ELOC: variants seen among roughly 807,000 people sequenced by gnomAD.
ELOC encodes elongin C, also known as elongin-C.
For synonymous variants in ELOC, 40 were observed against 51.3 expected (o/e 0.78, Z 0.94); for missense variants, 38 against 139.0 (o/e 0.27, Z 3.65).
chr8:73,964,531 C>T (rs530726064), intron 1 of ELOC: 70 of 152,236 alleles, frequency 4.6e-4, no homozygotes, highest in African/African-American at 1.5e-3. Flanking sequence ...TGCAGTGGCT[C>T]ACACCTGCAA....
chr8:73,957,188 G>T (rs574224300), intron 2 of ELOC, among the ~76,000 whole-genome samples: 1 of 148,240 alleles, frequency 6.7e-6, no homozygotes, highest in Non-Finnish European at 1.5e-5. Context: ...AAAAAAAAAA[G>T]TATGCATTTA....
intron 3 of ELOC, among the ~76,000 whole-genome samples, chr8:73,953,111 C>A: frequency 6.6e-6 from 1 of 152,046 alleles, no homozygotes; most frequent in East Asian, 1.9e-4. Context: ...TCAAGACCAG[C>A]CTGGCCAACA....
At chr8:73,961,469 G>C (rs985965008) in intron 1 of ELOC, among the ~76,000 whole-genome samples, 1 of 152,024 alleles carries the variant, frequency 6.6e-6, no homozygotes, top group Non-Finnish European at 1.5e-5. Context: ...TCTTAGTCTA[G>C]AACACTTGCT....
At chr8:73,962,254 A>G (rs1461206713) in intron 1 of ELOC, among the ~76,000 whole-genome samples, 5 of 152,168 alleles carry the variant, frequency 3.3e-5, no homozygotes, top group Non-Finnish European at 7.3e-5. Context: ...GAGATGAGAA[A>G]CACTGGAAGA....
chr8:73,964,319 C>T (rs549140553), intron 1 of ELOC, among the ~76,000 whole-genome samples: 4 of 149,596 alleles, frequency 2.7e-5, no homozygotes, highest in East Asian at 2.0e-4. Flanking sequence ...AAGGTCAAAG[C>T]GTATGGTGAG....
intron 3 of ELOC, among the ~76,000 whole-genome samples, chr8:73,954,471 C>CG (rs1686567941): frequency 6.6e-6 from 1 of 151,758 alleles, no homozygotes; most frequent in Non-Finnish European, 1.5e-5. Flanking sequence ...CTGGCTAACA[C>CG]GGTGAAACCC....
intron 1 of ELOC, chr8:73,969,487 A>C (rs1306886066): frequency 1.3e-5 from 2 of 151,180 alleles, no homozygotes; most frequent in Admixed American, 6.6e-5. Context: ...GTCTCCCACC[A>C]CTCTTCCTTC....
chr8:73,947,151 G>A (rs1025797404), intron 3 of ELOC, among the ~76,000 whole-genome samples: 7 of 152,006 alleles, frequency 4.6e-5, no homozygotes, highest in African/African-American at 1.7e-4. Context: ...ACCACGACCG[G>A]CTAATTTTTG....
In ELOC at chr8:73,971,219, A is replaced by C. The variant is rs559343949; in HGVS notation, c.-51+858T>G. Among the ~76,000 whole-genome samples, 168 of 152,156 alleles carry C rather than the reference A, an allele frequency of 1.1e-3. 1 individual carries two copies. The highest frequency in any genetic ancestry group is 3.9e-3 in the African/African-American group (160 of 41,510). The stretch of plus-strand genomic sequence containing the variant: ...TCAGGAGTTCCAGACCAGCCTGGCC[A>C]ACATGTCGAAACCCCGTCTCTACTA... On this transcript the variant is annotated intron_variant, in intron 1 of 3. Transcript: ENST00000520242.
At chr8:73,968,970 T>C (rs1815177384) in intron 1 of ELOC, among the ~76,000 whole-genome samples, 1 of 152,242 alleles carries the variant, frequency 6.6e-6, no homozygotes, top group Non-Finnish European at 1.5e-5. Context: ...CATTACTGTA[T>C]GCTCCTCTTC....
chr8:73,957,637 A>T lies in ELOC; in HGVS notation c.5-1583T>A, dbSNP rs566017139. On this transcript the variant is annotated intron_variant, in intron 2 of 3. Coordinates refer to ENST00000520242, the MANE Select transcript of ELOC (RefSeq NM_005648.4). ...GCCAAAAATGTTTAATTTGAATCAA[A>T]TCACAAGAAAACAACCAGACAAATT... Among the ~76,000 whole-genome samples the T allele has an allele frequency of 3.3e-5, 5 of 152,338 alleles. No individual in the cohort carries two copies. In the East Asian group the frequency reaches 9.6e-4, roughly 29 times the overall value.
intron 2 of ELOC, among the ~76,000 whole-genome samples, chr8:73,958,506 A>G (rs1454147398): frequency 6.6e-6 from 1 of 152,180 alleles, no homozygotes; most frequent in African/African-American, 2.4e-5. Flanking sequence ...GGTGAAAGCT[A>G]TGTTAGTATC....
At chr8:73,956,221 C>T (rs538305037) in intron 2 of ELOC, among the ~76,000 whole-genome samples, 167 bp from the exon 3 acceptor site, 1 of 152,156 alleles carries the variant, frequency 6.6e-6, no homozygotes, top group East Asian at 1.9e-4. Context: ...CCCGTCTCTA[C>T]TAAAAATACA....
In ELOC at chr8:73,956,244, G is replaced by A. The variant is rs192418542; in HGVS notation, c.5-190C>T. ...TACTAAAAATACAAAAATTAGCTGT[G>A]TGTGGTGGCGCACACATGTAATCTC... On this transcript the variant is annotated intron_variant, in intron 2 of 3. Coordinates refer to ENST00000520242, the MANE Select transcript of ELOC (RefSeq NM_005648.4). Among the ~76,000 whole-genome samples the A allele has an allele frequency of 7.4e-3, 1,132 of 152,136 alleles. 11 individuals are homozygous for A. Among genetic ancestry groups the A allele is most frequent in the Non-Finnish European group, 9.1e-3 (621 of 68,016 alleles).
chr8:73,969,800 T>G (rs921036523), intron 1 of ELOC: 2 of 152,366 alleles, frequency 1.3e-5, no homozygotes, highest in Non-Finnish European at 2.9e-5. Context: ...TCAAGTTTCT[T>G]GACAGCAGGC....
At chr8:73,970,203 C>T (rs1328754843) in intron 1 of ELOC, among the ~76,000 whole-genome samples, 2 of 152,188 alleles carry the variant, frequency 1.3e-5, no homozygotes, top group East Asian at 3.9e-4. Context: ...GATAGTGCTA[C>T]TGCACTCCAG....
At chr8:73,949,352 T>C (rs1563670746) in intron 3 of ELOC, among the ~76,000 whole-genome samples, 1 of 152,214 alleles carries the variant, frequency 6.6e-6, no homozygotes, top group Non-Finnish European at 1.5e-5. Context: ...TATAGGCACT[T>C]ATTAAGACTT....
Position 73,946,334 on chromosome 8 carries a change from G to T in ELOC, c.*296C>A. The T allele has an allele frequency of 4.1e-6, 1 of 245,452 alleles. No individual in the cohort carries two copies. Among genetic ancestry groups the T allele is most frequent in the East Asian group, 7.7e-5 (1 of 12,948 alleles). The allele number at this position is 245,452 out of a possible 1,614,324, so 15.2% of individuals were successfully genotyped here. ...CGTATTGATTTACACCTAAATTTCAGTATTTACTATATCATCATTGCTGAT... is the reference window on the plus strand; with the variant it reads ...CGTATTGATTTACACCTAAATTTCATTATTTACTATATCATCATTGCTGAT... On this transcript the variant is annotated 3_prime_UTR_variant, in exon 4 of 4. Coordinates refer to ENST00000520242, the MANE Select transcript of ELOC (RefSeq NM_005648.4).
intron 1 of ELOC, among the ~76,000 whole-genome samples, chr8:73,971,533 T>C (rs1034497580): frequency 2.6e-5 from 4 of 152,130 alleles, no homozygotes; most frequent in Admixed American, 2.0e-4. Flanking sequence ...AGAAACTCAA[T>C]GGGCACAGTA....
Sources: allele counts gnomAD v4.1 joint callset (sites outside exome capture counted in the v4.1 genomes callset), GRCh38; gene constraint gnomAD v4.1.1; transcripts MANE v1.5; gene names NCBI Gene and HGNC (gene_info 2026-07-23, HGNC 2026-07-21).